The following RHAG variants were observed in gnomAD, a reference collection of about 807,000 sequenced individuals.
RHAG encodes the protein Rh associated glycoprotein.
A neutral mutation model predicts 42.4 loss-of-function variants in RHAG; 25 were observed. The ratio of observed to expected loss-of-function variants is 0.59; its 90% CI spans 0.43 to 0.82. The LOEUF is 0.82. Ranked by LOEUF, RHAG falls within the 40% of genes least tolerant of loss-of-function variation. The pLI is 0.00. For synonymous variants in RHAG, 182 were observed against 177.7 expected (o/e 1.02, Z -0.19); for missense variants, 483 against 504.6 (o/e 0.96, Z 0.41).
chr6:49,627,037 G>A (rs1762855265), intron 1 of RHAG, among the ~76,000 whole-genome samples: 1 of 152,222 alleles, frequency 6.6e-6, no homozygotes, highest in Admixed American at 6.5e-5. Flanking sequence ...TCCCTCTTAG[G>A]CCTCCTGGCC....
intron 2 of RHAG, 91 bp from the exon 3 acceptor site, chr6:49,618,309 G>A: frequency 7.2e-7 from 1 of 1,383,902 alleles, no homozygotes; most frequent in Non-Finnish European, 1.0e-6. Flanking sequence ...GGCACATCCA[G>A]TGCTTCCCAG....
intron 1 of RHAG, among the ~76,000 whole-genome samples, chr6:49,632,399 T>G (rs1429276668): frequency 1.3e-5 from 2 of 152,198 alleles, no homozygotes; most frequent in Non-Finnish European, 2.9e-5. Flanking sequence ...ACTGACAGTA[T>G]TTATAGCTAT....
chr6:49,631,033 T>C (rs918464453), intron 1 of RHAG, among the ~76,000 whole-genome samples: 2 of 152,232 alleles, frequency 1.3e-5, no homozygotes, highest in Non-Finnish European at 2.9e-5. Context: ...TGTTTCACCA[T>C]GATTAGAATC....
chr6:49,616,622 A>G (rs1234103808), intron 3 of RHAG, among the ~76,000 whole-genome samples: 2 of 152,156 alleles, frequency 1.3e-5, no homozygotes, highest in Non-Finnish European at 2.9e-5. Flanking sequence ...TCTAGAGGGA[A>G]TACTCAAAGG....
At chr6:49,628,518 G>C (rs1762877947) in intron 1 of RHAG, among the ~76,000 whole-genome samples, 1 of 151,214 alleles carries the variant, frequency 6.6e-6, no homozygotes, top group East Asian at 2.0e-4. Context: ...TCTGGGTCTG[G>C]AGTTTGTTTC....
At chr6:49,618,997 G>T (rs1762704704) in intron 2 of RHAG, among the ~76,000 whole-genome samples, 182 bp downstream of exon 2, 1 of 151,992 alleles carries the variant, frequency 6.6e-6, no homozygotes, top group Non-Finnish European at 1.5e-5. Context: ...CAGTGGAAGG[G>T]GTCAGGAGTC....
chr6:49,630,574 G>A (rs1345302602), intron 1 of RHAG, among the ~76,000 whole-genome samples: 2 of 152,172 alleles, frequency 1.3e-5, no homozygotes, highest in Admixed American at 6.5e-5. Flanking sequence ...CCTTAGGGCA[G>A]TATCTTCCTT....
chr6:49,625,591 TTCACCATCATCA>T (rs1195527753), intron 1 of RHAG, among the ~76,000 whole-genome samples: 3 of 152,162 alleles, frequency 2.0e-5, no homozygotes, highest in East Asian at 3.9e-4. Context: ...AGGATACAAT[TTCACCATCATCA>T]TCACCATCAC....
intron 1 of RHAG, among the ~76,000 whole-genome samples, chr6:49,629,654 G>T (rs1762902924): frequency 6.6e-6 from 1 of 152,144 alleles, no homozygotes; most frequent in Admixed American, 6.5e-5. Context: ...GGGGTGGGGG[G>T]CTCAGGCATG....
At chr6:49,610,966 AGAGT>A in intron 7 of RHAG, 54 bp downstream of exon 7, 1 of 1,605,720 alleles carries the variant, frequency 6.2e-7, no homozygotes, top group Non-Finnish European at 8.5e-7. Flanking sequence ...CCCATTTCTC[AGAGT>A]GAGAGAAAAC....
intron 1 of RHAG, among the ~76,000 whole-genome samples, chr6:49,629,815 G>A (rs1455376391): frequency 2.0e-5 from 3 of 151,836 alleles, no homozygotes; most frequent in African/African-American, 7.3e-5. Context: ...ATTGCCCGGG[G>A]CCGGCAGGGC....
intron 4 of RHAG, chr6:49,615,421 G>A (rs1762638007): frequency 2.0e-6 from 1 of 510,946 alleles, no homozygotes. Flanking sequence ...TAGAGATGGA[G>A]TCTCATTATG....
intron 1 of RHAG, among the ~76,000 whole-genome samples, chr6:49,631,012 ATTTG>A (rs1473821408): frequency 8.6e-5 from 13 of 152,012 alleles, no homozygotes; most frequent in Non-Finnish European, 1.6e-4. Context: ...TACAATTTGG[ATTTG>A]TTTGATTGTT....
intron 1 of RHAG, among the ~76,000 whole-genome samples, chr6:49,628,575 G>A (rs111474509): frequency 0.028 from 4,260 of 151,440 alleles, 211 homozygotes; most frequent in African/African-American, 0.098. Context: ...TGGTGGGTTC[G>A]TGGTCTCCCT....
At chr6:49,633,071 C>T (rs1385399907) in intron 1 of RHAG, among the ~76,000 whole-genome samples, 3 of 152,114 alleles carry the variant, frequency 2.0e-5, no homozygotes, top group Admixed American at 6.6e-5. Flanking sequence ...GGTTCTGTAA[C>T]CTAATTCCCT....
At chr6:49,629,781 G>T (rs1004683142) in intron 1 of RHAG, among the ~76,000 whole-genome samples, 1 of 152,206 alleles carries the variant, frequency 6.6e-6, no homozygotes, top group African/African-American at 2.4e-5. Flanking sequence ...CTCCGCAGCC[G>T]CTGGCCCTGG....
intron 5 of RHAG, 151 bp from the exon 6 acceptor site, chr6:49,612,685 T>C: frequency 3.3e-6 from 3 of 922,008 alleles, no homozygotes; most frequent in South Asian, 1.5e-5. Context: ...TTTGGATTTA[T>C]AGAAGGCCTT....
chr6:49,607,945 A>T (rs1762503080), intron 7 of RHAG, among the ~76,000 whole-genome samples: 1 of 152,202 alleles, frequency 6.6e-6, no homozygotes, highest in Non-Finnish European at 1.5e-5. Context: ...TCCAAGGGAA[A>T]GGATGCACTA....
Position 49,606,911 on chromosome 6 carries a change from T to C in RHAG, c.1149A>G (p.Leu383=), listed in dbSNP as rs773644451. 12 of 1,611,070 alleles carry C rather than the reference T, an allele frequency of 7.4e-6. No homozygotes were observed. Among genetic ancestry groups the C allele is most frequent in the Non-Finnish European group, 1.0e-5 (12 of 1,177,318 alleles). The change falls in exon 9 of 10, where the codon CTA becomes CTG. Residue 383 remains leucine (L), a synonymous_variant. Transcript: ENST00000371175. ...ATGGCTGTCCCCAGAGAGGCAACTT[T>C]AGAATTAAACCTGTGACGGTAGAGG... is the stretch of plus-strand genomic sequence containing the variant. ...VVGGLMTGLI[L]KLPLWGQPSD... is the part of the protein sequence containing the mutation.
Sources: allele counts gnomAD v4.1 joint callset (sites outside exome capture counted in the v4.1 genomes callset), GRCh38; gene constraint gnomAD v4.1.1; transcripts MANE v1.5; gene names NCBI Gene and HGNC (gene_info 2026-07-23, HGNC 2026-07-21).